The following GRIK2 variants were observed in gnomAD, a reference collection of about 807,000 sequenced individuals.
GRIK2 encodes the protein glutamate receptor ionotropic, kainate 2.
Under a neutral mutation model 100.3 loss-of-function variants are expected in GRIK2, and 32 were observed. The observed-to-expected ratio is 0.32, with a 90% CI of 0.24 to 0.43. The LOEUF (loss-of-function observed/expected upper bound fraction) is 0.43, where lower values mean the gene tolerates loss of function less well. Among genes scored for constraint, GRIK2 ranks in the 20% least tolerant of loss-of-function variants. The pLI, the probability that GRIK2 is intolerant of heterozygous loss-of-function variation, is 1.00. For missense variants in GRIK2, 843 were observed against 1,114.9 expected (o/e 0.76, Z 3.47); for synonymous variants, 417 against 389.4 (o/e 1.07, Z -0.83).
chr6:101,762,752 C>G (rs1777811000), intron 7 of GRIK2, among the ~76,000 whole-genome samples: 1 of 152,164 alleles, frequency 6.6e-6, no homozygotes, highest in Admixed American at 6.5e-5. Context: ...ATGCTAATTA[C>G]AGCTTTCTTG....
chr6:101,869,863 T>C lies in GRIK2; in HGVS notation c.1524+10370T>C, dbSNP rs1048860884. On this transcript the variant is annotated intron_variant, in intron 11 of 16. Transcript: ENST00000369134. ...GAATATTGATTGGTTTTGGGTGTTG[T>C]TAGAGATCAAAGCTTTTTCTATTGT... Among the ~76,000 whole-genome samples, 27 of 151,952 alleles carry C rather than the reference T, an allele frequency of 1.8e-4. 1 individual carries two copies. Among genetic ancestry groups the C allele is most frequent in the Admixed American group, 9.8e-4 (15 of 15,234 alleles).
At chr6:101,650,088 A>AAAGC (rs1228033582) in intron 4 of GRIK2, among the ~76,000 whole-genome samples, 7 of 152,256 alleles carry the variant, frequency 4.6e-5, no homozygotes, top group Admixed American at 3.9e-4. Context: ...AAGCAGCCTG[A>AAAGC]AAGCAGGTTG....
intron 9 of GRIK2, among the ~76,000 whole-genome samples, chr6:101,810,768 A>G (rs1252751957): frequency 6.6e-6 from 1 of 152,084 alleles, no homozygotes; most frequent in African/African-American, 2.4e-5. Flanking sequence ...TCATTTAACT[A>G]TTCATCATTT....
intron 2 of GRIK2, among the ~76,000 whole-genome samples, chr6:101,415,101 A>G (rs1467975426): frequency 6.6e-6 from 1 of 152,086 alleles, no homozygotes; most frequent in Non-Finnish European, 1.5e-5. Flanking sequence ...TAATTACACC[A>G]TGCAGCTATA....
chr6:101,462,524 A>G (rs1472246833), intron 2 of GRIK2, among the ~76,000 whole-genome samples: 1 of 152,168 alleles, frequency 6.6e-6, no homozygotes, highest in Non-Finnish European at 1.5e-5. Context: ...GTTTTATAGT[A>G]TAAAATGTTA....
At chr6:101,927,967 A>T in intron 13 of GRIK2, 1 of 161,782 alleles carries the variant, frequency 6.2e-6, no homozygotes, top group Non-Finnish European at 1.4e-5. Context: ...TTTGAGCTAC[A>T]TGCACATGAA....
intron 10 of GRIK2, among the ~76,000 whole-genome samples, chr6:101,822,350 A>C (rs1277069722): frequency 6.6e-6 from 1 of 151,848 alleles, no homozygotes; most frequent in Non-Finnish European, 1.5e-5. Flanking sequence ...TGGAAGGGCA[A>C]GTCAGGTTAG....
At chr6:101,868,971 T>A (rs550033059) in intron 11 of GRIK2, among the ~76,000 whole-genome samples, 1 of 151,844 alleles carries the variant, frequency 6.6e-6, no homozygotes, top group Non-Finnish European at 1.5e-5. Context: ...AATAGAGATA[T>A]TCTGAAAATA....
intron 2 of GRIK2, among the ~76,000 whole-genome samples, chr6:101,611,756 C>T (rs1428555772): frequency 2.0e-5 from 3 of 151,790 alleles, no homozygotes; most frequent in African/African-American, 4.8e-5. Flanking sequence ...ACGCTATATA[C>T]TTTCCACATA....
chr6:101,429,555 A>G (rs957271562), intron 2 of GRIK2, among the ~76,000 whole-genome samples: 2 of 152,204 alleles, frequency 1.3e-5, no homozygotes, highest in Admixed American at 6.5e-5. Flanking sequence ...TAAGTAGATA[A>G]TTAACATCTT....
At chr6:101,690,843 A>G (rs1256559050) in intron 7 of GRIK2, among the ~76,000 whole-genome samples, 1 of 152,034 alleles carries the variant, frequency 6.6e-6, no homozygotes, top group Non-Finnish European at 1.5e-5. Context: ...CTCATACTCT[A>G]ATTTTCAGGT....
At chr6:102,001,303 A>C (rs968933989) in intron 14 of GRIK2, among the ~76,000 whole-genome samples, 6 of 151,544 alleles carry the variant, frequency 4.0e-5, no homozygotes, top group Non-Finnish European at 7.4e-5. Context: ...CCTGTCATCT[A>C]GGTTTTAAGC....
chr6:101,993,845 AT>A (rs1794505859), intron 14 of GRIK2: 1 of 147,860 alleles, frequency 6.8e-6, no homozygotes, highest in African/African-American at 2.5e-5. Flanking sequence ...CTACTAGCAA[AT>A]AATGTATTTG....
chr6:101,851,571 A>G (rs1784128341), intron 10 of GRIK2, among the ~76,000 whole-genome samples: 1 of 152,000 alleles, frequency 6.6e-6, no homozygotes, highest in African/African-American at 2.4e-5. Context: ...AGTTTAATAG[A>G]TGTTATTTTT....
At chr6:101,754,756 A>T (rs1347810652) in intron 7 of GRIK2, among the ~76,000 whole-genome samples, 1 of 152,218 alleles carries the variant, frequency 6.6e-6, no homozygotes, top group Non-Finnish European at 1.5e-5. Context: ...GGATTATGGG[A>T]ACGAGGGATG....
chr6:101,946,046 G>A (rs1791255971), intron 14 of GRIK2, among the ~76,000 whole-genome samples: 1 of 150,306 alleles, frequency 6.7e-6, no homozygotes, highest in Non-Finnish European at 1.5e-5. Flanking sequence ...AAATAAGCCA[G>A]GATAAACCAT....
chr6:101,844,335 A>G (rs1314103682), intron 10 of GRIK2, among the ~76,000 whole-genome samples: 1 of 152,178 alleles, frequency 6.6e-6, no homozygotes, highest in Non-Finnish European at 1.5e-5. Flanking sequence ...GAATAAGGAA[A>G]AAAGATGGGA....
intron 7 of GRIK2, among the ~76,000 whole-genome samples, chr6:101,751,524 T>C (rs940506412): frequency 6.6e-6 from 1 of 152,168 alleles, no homozygotes; most frequent in East Asian, 1.9e-4. Flanking sequence ...ACCAGAATAC[T>C]ACCTAAAATA....
intron 10 of GRIK2, among the ~76,000 whole-genome samples, chr6:101,823,869 T>G (rs1280781437): frequency 6.6e-6 from 1 of 150,702 alleles, no homozygotes; most frequent in Non-Finnish European, 1.5e-5. Context: ...TCTGTTTTTT[T>G]TTTTTTGTTT....
Sources: allele counts gnomAD v4.1 joint callset (sites outside exome capture counted in the v4.1 genomes callset), GRCh38; gene constraint gnomAD v4.1.1; transcripts MANE v1.5; gene names NCBI Gene and HGNC (gene_info 2026-07-23, HGNC 2026-07-21).